POLI: variants seen among roughly 807,000 people sequenced by gnomAD.
The protein encoded by POLI is RAD30 homolog B.
Under a neutral mutation model 51.6 loss-of-function variants are expected in POLI, and 58 were observed. The observed-to-expected ratio is 1.12, with a 90% CI of 0.91 to 1.40. The LOEUF is 1.40. Ranked by LOEUF, POLI falls within the 40% of genes most tolerant of loss-of-function variation. POLI has a pLI of 0.00. For missense variants in POLI, 921 were observed against 871.3 expected (o/e 1.06, Z -0.72); for synonymous variants, 322 against 299.7 (o/e 1.07, Z -0.77).
intron 3 of POLI, among the ~76,000 whole-genome samples, chr18:54,308,487 C>T (rs11661768): frequency 0.18 from 27,637 of 152,144 alleles, 2,712 homozygotes; most frequent in Middle Eastern, 0.25. Flanking sequence ...GTGGGTAACC[C>T]GAGCTTTCTC....
rs75327247 is a variant in POLI, at chr18:54,303,281, C to A, written c.333+15870C>A. 1.2e-3 allele frequency among the ~76,000 whole-genome samples: 186 copies of A among 152,258 alleles called. 1 individual carries two copies. The highest frequency in any genetic ancestry group is 4.4e-3 in the African/African-American group (181 of 41,554). On this transcript the variant is annotated intron_variant, in intron 3 of 4. Coordinates refer to the POLI transcript ENST00000579823. Reference sequence around the variant, plus strand: ...ATTCACCCCTTTCTGCCTAAACTACCTAGATTGTTCTGCATTATTCCTAGA... The same window carrying A: ...ATTCACCCCTTTCTGCCTAAACTACATAGATTGTTCTGCATTATTCCTAGA...
chr18:54,288,951 A>G (rs1433905686), intron 8 of POLI, among the ~76,000 whole-genome samples: 1 of 152,152 alleles, frequency 6.6e-6, no homozygotes, highest in Non-Finnish European at 1.5e-5. Context: ...CTCAAAGTCA[A>G]TTTATGTTAA....
chr18:54,288,737 G>A (rs984137698), intron 8 of POLI, among the ~76,000 whole-genome samples: 1 of 151,800 alleles, frequency 6.6e-6, no homozygotes, highest in African/African-American at 2.4e-5. Context: ...TGTTGCCCCT[G>A]TAGTGATTTG....
chr18:54,292,163 A>T, intron 9 of POLI, 125 bp downstream of exon 9: 1 of 617,106 alleles, frequency 1.6e-6, no homozygotes, highest in Non-Finnish European at 2.8e-6. Context: ...GATATTGTTT[A>T]GGTGATTAAC....
chr18:54,283,087 T>C, intron 6 of POLI, 72 bp downstream of exon 6: 1 of 964,564 alleles, frequency 1.0e-6, no homozygotes, highest in Non-Finnish European at 1.5e-6. Context: ...CTAGTTTTAG[T>C]ACCATGTTCT....
intron 3 of POLI, among the ~76,000 whole-genome samples, chr18:54,314,707 C>G (rs1354387874): frequency 6.6e-6 from 1 of 152,158 alleles, no homozygotes; most frequent in Non-Finnish European, 1.5e-5. Context: ...TTGCATGCTT[C>G]CAGGAATTTA....
chr18:54,295,088 G>A lies in POLI; in HGVS notation c.*621G>A. 1 of 985,436 alleles carries A rather than the reference G, an allele frequency of 1.0e-6. No homozygotes were observed. Among genetic ancestry groups the A allele is most frequent in the South Asian group, 4.7e-5 (1 of 21,282 alleles). The allele number at this position is 985,436 out of a possible 1,614,324, so 61.0% of individuals were successfully genotyped here. On this transcript the variant is annotated 3_prime_UTR_variant, in exon 10 of 10. Coordinates refer to ENST00000579534, the MANE Select transcript of POLI (RefSeq NM_007195.3). ...GAATGGTTTGGCTAGGGCCAGGGTG[G>A]GGAGTTAAAGTGAGAGGAGGGTATA...
At chr18:54,301,707 TCA>T (rs2088493936), downstream of POLI, among the ~76,000 whole-genome samples, 2 of 152,140 alleles carry the variant, frequency 1.3e-5, no homozygotes, top group African/African-American at 4.8e-5. Flanking sequence ...GGTCCTTAAT[TCA>T]CAGAGACTGC....
In POLI at chr18:54,297,789, GTTCT is replaced by G. The variant is rs779535336; in HGVS notation, c.*3325_*3328del. Reference sequence around the variant, plus strand: ...CATTAATTCTAATTAAATTCCACAAGTTCTTTATTAAATCTCCAAATTGGATATT... The same window carrying G: ...CATTAATTCTAATTAAATTCCACAAGTTATTAAATCTCCAAATTGGATATT... On this transcript the variant is annotated 3_prime_UTR_variant, in exon 10 of 10. Transcript: ENST00000579534. 3 of 959,660 alleles carry G rather than the reference GTTCT, an allele frequency of 3.1e-6. No homozygotes were observed. The highest frequency in any genetic ancestry group is 3.7e-6 in the Non-Finnish European group (3 of 806,490). The allele number at this position is 959,660 out of a possible 1,614,324, so 59.4% of individuals were successfully genotyped here.
chr18:54,318,407 G>A (rs1298322189), intron 3 of POLI, among the ~76,000 whole-genome samples: 3 of 152,024 alleles, frequency 2.0e-5, no homozygotes, highest in African/African-American at 7.2e-5. Flanking sequence ...GGTGAAGTTC[G>A]TTTTCATTGA....
chr18:54,309,247 G>A lies in POLI; in HGVS notation c.334-11026G>A, dbSNP rs1434978516. 5.9e-5 allele frequency among the ~76,000 whole-genome samples: 9 copies of A among 152,270 alleles called. No individual in the cohort carries two copies. The South Asian group carries it at 1.0e-3, about 18-fold the overall frequency. ...AATCTACCTTTGGTCTTTGATAATC[G>A]TGACCTACAGATGGGGTTTTGGTGT... On this transcript the variant is annotated intron_variant, in intron 3 of 4. Transcript: ENST00000579823.
At position 54,295,646 on chromosome 18, in the gene POLI, G is replaced by T. The variant is rs1175935635; in HGVS notation, c.*1179G>T. The T allele has an allele frequency of 1.7e-5, 9 of 535,888 alleles. No individual in the cohort carries two copies. Among genetic ancestry groups the T allele is most frequent in the Non-Finnish European group, 2.1e-5 (9 of 421,422 alleles). 33.2% of individuals were successfully genotyped at this position (535,888 alleles called of 1,614,324 possible). Reference sequence around the variant, plus strand: ...TTCTTTTCTTTCTTTTTTTGTTTTGGAGACAGAGTCTCACTCTGTCGCCCA... The same window carrying T: ...TTCTTTTCTTTCTTTTTTTGTTTTGTAGACAGAGTCTCACTCTGTCGCCCA... On this transcript the variant is annotated 3_prime_UTR_variant, in exon 10 of 10. Coordinates refer to ENST00000579534, the MANE Select transcript of POLI (RefSeq NM_007195.3).
downstream of POLI, among the ~76,000 whole-genome samples, chr18:54,302,458 A>C (rs2088509034): frequency 6.6e-6 from 1 of 152,084 alleles, no homozygotes; most frequent in Non-Finnish European, 1.5e-5. Flanking sequence ...TGAGGAGATA[A>C]TTTCTCAATG....
intron 1 of POLI, chr18:54,270,218 T>G (rs1405884551): frequency 5.4e-6 from 1 of 184,940 alleles, no homozygotes; most frequent in Non-Finnish European, 1.0e-5. Context: ...CATTCATTAA[T>G]TTAGAGACAA....
intron 7 of POLI, among the ~76,000 whole-genome samples, chr18:54,286,523 TA>T (rs199567825): frequency 2.0e-5 from 3 of 151,600 alleles, no homozygotes; most frequent in African/African-American, 7.3e-5. Context: ...TGTCATTTTG[TA>T]AAAAAAAATC....
chr18:54,294,518 A>C lies in POLI; in HGVS notation c.*51A>C. 6.6e-7 allele frequency: 1 copy of C among 1,514,500 alleles called. No individual in the cohort carries two copies. The highest frequency in any genetic ancestry group is 8.8e-7 in the Non-Finnish European group (1 of 1,137,734). The allele number at this position is 1,514,500 out of a possible 1,614,324, so 93.8% of individuals were successfully genotyped here. ...AGCAAGGGAATACCATTATTTTCGG[A>C]TTAGCGGTTTATTAAGCTCTTCTAT... On this transcript the variant is annotated 3_prime_UTR_variant, in exon 10 of 10. Coordinates refer to ENST00000579534, the MANE Select transcript of POLI (RefSeq NM_007195.3).
intron 3 of POLI, among the ~76,000 whole-genome samples, chr18:54,314,868 C>A (rs565426866): frequency 6.6e-6 from 1 of 151,966 alleles, no homozygotes; most frequent in Non-Finnish European, 1.5e-5. Flanking sequence ...CTTTGTTAAT[C>A]TGATTAGTGG....
chr18:54,271,406 C>T lies in POLI; in HGVS notation c.162C>T (p.Val54=). 6.2e-7 allele frequency: 1 copy of T among 1,610,634 alleles called. No individual in the cohort carries two copies. Among genetic ancestry groups the T allele is most frequent in the East Asian group, 2.2e-5 (1 of 44,808 alleles). The stretch of plus-strand genomic sequence containing the variant: ...CCACACCAAATGCTTCATCCAGAGT[C>T]ATAGTACATGTGGATCTGGATTGCT... ...VLPTPNASSR[V]IVHVDLDCFY... is the part of the protein sequence containing the mutation. The change falls in exon 2 of 10, where the codon GTC becomes GTT. Residue 54 remains valine, a synonymous_variant. Transcript: ENST00000579534.
chr18:54,301,979 A>G (rs2088499743), downstream of POLI, among the ~76,000 whole-genome samples: 1 of 152,184 alleles, frequency 6.6e-6, no homozygotes, highest in Non-Finnish European at 1.5e-5. Flanking sequence ...CTTATACTGT[A>G]TAGTCTCTCT....
Sources: allele counts gnomAD v4.1 joint callset (sites outside exome capture counted in the v4.1 genomes callset), GRCh38; gene constraint gnomAD v4.1.1; transcripts MANE v1.5; gene names NCBI Gene and HGNC (gene_info 2026-07-23, HGNC 2026-07-21).